Variants in ITGA11 observed in about 807,000 individuals in gnomAD.
ITGA11 encodes the protein integrin alpha-11.
A neutral mutation model predicts 141.9 loss-of-function variants in ITGA11; 97 were observed. The observed-to-expected ratio is 0.68, with a 90% confidence interval of 0.58 to 0.81. ITGA11 has a LOEUF of 0.81. ITGA11 is among the 30% of genes least tolerant of loss of function. ITGA11 has a pLI of 0.00. For synonymous variants in ITGA11, 658 were observed against 624.6 expected (o/e 1.05, Z -0.80); for missense variants, 1,387 against 1,559.2 (o/e 0.89, Z 1.86).
intron 3 of ITGA11, among the ~76,000 whole-genome samples, chr15:68,366,666 G>C (rs1895432170): frequency 6.6e-6 from 1 of 152,186 alleles, no homozygotes; most frequent in Non-Finnish European, 1.5e-5. Context: ...GAGTTAGACA[G>C]ACTCAGGTTC....
chr15:68,350,936 ACT>A (rs1160420529), intron 8 of ITGA11, among the ~76,000 whole-genome samples, 154 bp from the exon 9 acceptor site: 1 of 151,794 alleles, frequency 6.6e-6, no homozygotes, highest in Non-Finnish European at 1.5e-5. Flanking sequence ...TTTGGAATGG[ACT>A]CTCTTTTAGG....
chr15:68,398,383 C>A (rs1172239760), intron 2 of ITGA11, among the ~76,000 whole-genome samples: 2 of 151,274 alleles, frequency 1.3e-5, no homozygotes, highest in African/African-American at 4.9e-5. Flanking sequence ...TTTAAACCAA[C>A]AAAGATCAAA....
At chr15:68,318,011 CA>C (rs1281600644) in intron 20 of ITGA11, among the ~76,000 whole-genome samples, 1 of 152,208 alleles carries the variant, frequency 6.6e-6, no homozygotes, top group East Asian at 1.9e-4. Flanking sequence ...CATGTGTGTG[CA>C]AAAAGTGTGT....
chr15:68,374,356 G>C (rs1054577330), intron 2 of ITGA11, among the ~76,000 whole-genome samples: 1 of 132,262 alleles, frequency 7.6e-6, no homozygotes, highest in South Asian at 2.8e-4. Flanking sequence ...AGATGTTTCT[G>C]GTTACCTGGG....
intron 2 of ITGA11, among the ~76,000 whole-genome samples, chr15:68,382,988 G>A (rs1332714464): frequency 6.6e-6 from 1 of 152,236 alleles, no homozygotes; most frequent in African/African-American, 2.4e-5. Flanking sequence ...ATCCCAAGGA[G>A]CAGCCAGGCG....
intron 7 of ITGA11, among the ~76,000 whole-genome samples, chr15:68,353,452 A>AAGGGCC (rs1894975726): frequency 6.6e-6 from 1 of 152,200 alleles, no homozygotes; most frequent in Non-Finnish European, 1.5e-5. Flanking sequence ...GACTGCATGG[A>AAGGGCC]AGGGCCAGGC....
intron 2 of ITGA11, among the ~76,000 whole-genome samples, chr15:68,401,440 A>C (rs1896508247): frequency 6.6e-6 from 1 of 152,248 alleles, no homozygotes; most frequent in Non-Finnish European, 1.5e-5. Flanking sequence ...GAAATAGCCC[A>C]AAATGGAAAC....
At chr15:68,317,412 AC>A in intron 20 of ITGA11, 49 bp from the exon 21 acceptor site, 1 of 1,331,798 alleles carries the variant, frequency 7.5e-7, no homozygotes, top group Non-Finnish European at 1.1e-6. Flanking sequence ...GGGGCCTGGG[AC>A]CAGGTCTCGA....
chr15:68,309,791 A>G (rs1172749986), intron 26 of ITGA11, among the ~76,000 whole-genome samples: 2 of 151,962 alleles, frequency 1.3e-5, no homozygotes, highest in East Asian at 3.9e-4. Flanking sequence ...AGGTTTCACT[A>G]TGCTGGCCAG....
Position 68,325,084 on chromosome 15 carries a change from G to C in ITGA11, c.2322+47C>G, listed in dbSNP as rs1462247977. ...TGGGCTTTGGGGTTGAGGTGGAGGTGGGGGTGGGGTTCATGCCCGAGGTGC... is the reference window on the plus strand; with the variant it reads ...TGGGCTTTGGGGTTGAGGTGGAGGTCGGGGTGGGGTTCATGCCCGAGGTGC... On this transcript the variant is annotated intron_variant, in intron 18 of 29. Coordinates refer to ENST00000315757, the MANE Select transcript of ITGA11 (RefSeq NM_001004439.2). The surrounding 1 kb of genome is among the most constrained non-coding windows in gnomAD (Gnocchi z 5.5). 2 of 1,348,608 alleles carry C rather than the reference G, an allele frequency of 1.5e-6. No homozygotes were observed. The highest frequency in any genetic ancestry group is 1.4e-5 in the African/African-American group (1 of 69,818). 83.5% of individuals were successfully genotyped at this position (1,348,608 alleles called of 1,614,324 possible). A position where few individuals can be genotyped will look rare whatever the true frequency, so the allele number is the denominator to read the frequency against.
chr15:68,400,422 C>T (rs1896439791), intron 2 of ITGA11, among the ~76,000 whole-genome samples: 1 of 148,366 alleles, frequency 6.7e-6, no homozygotes, highest in Non-Finnish European at 1.5e-5. Flanking sequence ...ATAAATTAGA[C>T]TTTATTAAAG....
rs960048142 is a variant in ITGA11, at chr15:68,305,819, T to C, written c.3381+1529A>G. On this transcript the variant is annotated intron_variant, in intron 28 of 29. Transcript: ENST00000315757. This position sits in a 1 kb window ranked among gnomAD's most constrained non-coding sequence, Gnocchi z 4.6. ...CTCAAGGCGGGCACCTGGCTCTGCC[T>C]CCCCAGCGCCAGCACCTAGCACACA... Among the ~76,000 whole-genome samples, 8 of 152,080 alleles carry C rather than the reference T, an allele frequency of 5.3e-5. No homozygotes were observed. The highest frequency in any genetic ancestry group is 1.2e-4 in the Non-Finnish European group (8 of 68,002).
Position 68,300,924 on chromosome 15 carries a change from T to G in ITGA11, c.*2135A>C, listed in dbSNP as rs1231174710. On this transcript the variant is annotated 3_prime_UTR_variant, in exon 30 of 30. Transcript: ENST00000315757. ...AGAGCATTCTCAGATCTGATGATATTTGATGGACGACTTGGTGCTAAGTCA... is the reference window on the plus strand; with the variant it reads ...AGAGCATTCTCAGATCTGATGATATGTGATGGACGACTTGGTGCTAAGTCA... The G allele has an allele frequency of 6.6e-6, 1 of 152,214 alleles. No individual in the cohort carries two copies. Among genetic ancestry groups the G allele is most frequent in the African/African-American group, 2.4e-5 (1 of 41,458 alleles). 9.4% of individuals were successfully genotyped at this position (152,214 alleles called of 1,614,324 possible).
rs943563410 is a variant in ITGA11 at position 68,298,872 on chromosome 15, CCT to C, written c.*4185_*4186del. ...ACCAGCCTGGGCAACATGGCGAGAC[CCT>C]GTCTCTACAAAAAATACTAAAATTA... On this transcript the variant is annotated 3_prime_UTR_variant, in exon 30 of 30. Transcript: ENST00000315757. 4 of 151,912 alleles carry C rather than the reference CCT, an allele frequency of 2.6e-5. No homozygotes were observed. The highest frequency in any genetic ancestry group is 9.7e-5 in the African/African-American group (4 of 41,288). The allele number at this position is 151,912 out of a possible 1,614,324, so 9.4% of individuals were successfully genotyped here. A position where few individuals can be genotyped will look rare whatever the true frequency, so the allele number is the denominator to read the frequency against.
rs957881532 is a variant in ITGA11 at position 68,358,602 on chromosome 15, C to G, written c.473-17G>C. 6.2e-7 allele frequency: 1 copy of G among 1,603,372 alleles called. No homozygotes were observed. The highest frequency in any genetic ancestry group is 8.5e-7 in the Non-Finnish European group (1 of 1,175,748). ...TCTGGCACCCTGGAAAGTGGGGACA[C>G]AGTTATGGCTACCCAAGGAGCAGTG... On this transcript the variant is annotated splice_polypyrimidine_tract_variant and intron_variant, in intron 5 of 29. Transcript: ENST00000315757.
intron 1 of ITGA11, among the ~76,000 whole-genome samples, chr15:68,417,042 CAG>C (rs1896904917): frequency 6.6e-6 from 1 of 151,602 alleles, no homozygotes; most frequent in Non-Finnish European, 1.5e-5. Context: ...TTTTTTGAGA[CAG>C]AGTCTTGCTC....
chr15:68,320,361 C>T lies in ITGA11; in HGVS notation c.2440G>A (p.Ala814Thr), dbSNP rs764664869. The T allele has an allele frequency of 6.2e-7, 1 of 1,603,100 alleles. No homozygotes were observed. The highest frequency in any genetic ancestry group is 2.3e-5 in the East Asian group (1 of 44,416). ...EYCQRVLRKP[A>T]QDCSAYTLSF... ...AGCGTGTATGCGGAGCAGTCCTGCG[C>T]AGGCTTCCTCAGCACCCTCTGGCAG... Residue 814 changes from alanine to threonine, a missense_variant, in exon 20 of 30, where the codon GCG becomes ACG. Physicochemically the swap from Ala to Thr is moderately conservative, Grantham distance 58. Coordinates refer to ENST00000315757, the MANE Select transcript of ITGA11 (RefSeq NM_001004439.2).
At chr15:68,345,966 GTTTTT>G (rs1894731219) in intron 10 of ITGA11, among the ~76,000 whole-genome samples, 1 of 139,386 alleles carries the variant, frequency 7.2e-6, no homozygotes, top group African/African-American at 3.4e-5. Flanking sequence ...CATTTGAAAG[GTTTTT>G]GTTTTTGTTT....
intron 1 of ITGA11, among the ~76,000 whole-genome samples, chr15:68,419,001 C>T (rs1215970082): frequency 6.6e-6 from 1 of 151,966 alleles, no homozygotes; most frequent in Non-Finnish European, 1.5e-5. Flanking sequence ...GGCCAGTCTG[C>T]CCTGCTCTTT....
Sources: allele counts gnomAD v4.1 joint callset (sites outside exome capture counted in the v4.1 genomes callset), GRCh38; gene constraint gnomAD v4.1.1; non-coding constraint Gnocchi (gnomAD v3.1); transcripts MANE v1.5; gene names NCBI Gene and HGNC (gene_info 2026-07-23, HGNC 2026-07-21).